GRIK5: variants seen among roughly 807,000 people sequenced by gnomAD.
The protein encoded by GRIK5 is glutamate ionotropic receptor kainate type subunit 5, also known as glutamate receptor ionotropic, kainate 5.
A neutral mutation model predicts 97.4 loss-of-function variants in GRIK5; 43 were observed. That is an observed-to-expected ratio of 0.44 (90% confidence interval 0.35 to 0.57). GRIK5 has a LOEUF of 0.57. GRIK5 is among the 20% of genes least tolerant of loss of function. The pLI is 0.01. For missense variants in GRIK5, 1,015 were observed against 1,382.0 expected, an observed-to-expected ratio of 0.73 and a Z score of 4.21; for synonymous variants, 580 against 583.5, an observed-to-expected ratio of 0.99 and a Z score of 0.09.
In GRIK5 at chr19:42,065,456, C is replaced by T; in HGVS notation, c.80-69G>A. ...GGAAGGAGGGGGCTGTGGTCTTAGA[C>T]TCCAGGGCTCTAGGGTGAGGTGGGT... is the stretch of plus-strand genomic sequence containing the variant. On this transcript the variant is annotated intron_variant, in intron 2 of 19. Transcript: ENST00000593562. The surrounding 1 kb of genome is among the most constrained non-coding windows in gnomAD (Gnocchi z 5.8). 2 of 1,470,978 alleles carry T rather than the reference C, an allele frequency of 1.4e-6. No individual in the cohort carries two copies. Among genetic ancestry groups the T allele is most frequent in the South Asian group, 2.5e-5 (2 of 78,720 alleles). The allele number at this position is 1,470,978 out of a possible 1,614,324, so 91.1% of individuals were successfully genotyped here. A position where few individuals can be genotyped will look rare whatever the true frequency, so the allele number is the denominator to read the frequency against.
rs752416679 is a variant in GRIK5 at position 42,042,477 on chromosome 19, G to C, written c.1473+75C>G. ...ACCAGCCAGGCTGCTTCTGAGGTTC[G>C]ACTGGCTGCCCAGCTGCCCGCCCTC... On this transcript the variant is annotated intron_variant, in intron 12 of 19. Transcript: ENST00000593562. The surrounding 1 kb of genome is among the most constrained non-coding windows in gnomAD (Gnocchi z 6.9). 1.5e-6 allele frequency: 2 copies of C among 1,356,486 alleles called. No individual in the cohort carries two copies. Among genetic ancestry groups the C allele is most frequent in the Non-Finnish European group, 2.0e-6 (2 of 979,888 alleles). The allele number at this position is 1,356,486 out of a possible 1,614,324, so 84.0% of individuals were successfully genotyped here. A position where few individuals can be genotyped will look rare whatever the true frequency, so the allele number is the denominator to read the frequency against.
Position 42,002,175 on chromosome 19 carries a change from AGACTG to A in GRIK5, c.2514+1152_2514+1156del. 1.4e-6 allele frequency: 1 copy of A among 717,560 alleles called. No individual in the cohort carries two copies. 44.4% of individuals were successfully genotyped at this position (717,560 alleles called of 1,614,324 possible). A position where few individuals can be genotyped will look rare whatever the true frequency, so the allele number is the denominator to read the frequency against. On this transcript the variant is annotated intron_variant, in intron 19 of 19. Transcript: ENST00000593562. The surrounding 1 kb of genome is among the most constrained non-coding windows in gnomAD (Gnocchi z 5.2). ...CAGTGGAGTGGCAGGGACCGATGCC[AGACTG>A]GAGTGGGGGGCAAGAGGAAATGGGA...
intron 12 of GRIK5, among the ~76,000 whole-genome samples, chr19:42,023,373 T>C (rs1025934151): frequency 1.3e-5 from 2 of 152,108 alleles, no homozygotes; most frequent in African/African-American, 2.4e-5. Flanking sequence ...CATAGGGAGC[T>C]TCCATCCCCT....
chr19:42,043,233 T>C (rs941673631), intron 11 of GRIK5, among the ~76,000 whole-genome samples: 9 of 152,110 alleles, frequency 5.9e-5, no homozygotes, highest in African/African-American at 9.7e-5. Flanking sequence ...GGCAATACAC[T>C]GATATTTTCT....
rs2075709104 is a variant in GRIK5 at position 42,022,252 on chromosome 19, G to C, written c.1576C>G (p.Arg526Gly). The C allele has an allele frequency of 6.2e-7, 1 of 1,610,454 alleles. No homozygotes were observed. ...FMTLGISILY[R>G]VHMGRKPGYF... ...CAGGGGAACCATACCATGTGCACTC[G>C]GTAGAGGATGCTGATCCCCAGGGTC... Residue 526 changes from arginine (R) to glycine (G), a missense_variant, in exon 13 of 20, where the codon CGA (arginine) becomes GGA (glycine). Physicochemically the swap from Arg to Gly is moderately radical, Grantham distance 125. This residue lies in a region of GRIK5 where 477 missense variants were observed against 701.1 expected (regional missense o/e 0.68). Transcript: ENST00000593562. The surrounding 1 kb of genome is among the most constrained non-coding windows in gnomAD (Gnocchi z 4.2).
intron 11 of GRIK5, among the ~76,000 whole-genome samples, chr19:42,051,465 C>T (rs566515142): frequency 2.8e-4 from 42 of 152,276 alleles, no homozygotes; most frequent in African/African-American, 8.7e-4. Flanking sequence ...CCCCTTCCTG[C>T]TCAACACTCT....
At chr19:42,061,352 CT>C (rs1316051751) in intron 5 of GRIK5, among the ~76,000 whole-genome samples, 2 of 151,788 alleles carry the variant, frequency 1.3e-5, no homozygotes, top group South Asian at 2.1e-4. Context: ...CCATAAATAC[CT>C]TTTTTTTAAG....
chr19:42,006,820 G>T lies in GRIK5; in HGVS notation c.1872-10C>A, dbSNP rs782534044. 1.3e-6 allele frequency: 2 copies of T among 1,585,540 alleles called. No individual in the cohort carries two copies. The highest frequency in any genetic ancestry group is 2.2e-5 in the East Asian group (1 of 44,464). On this transcript the variant is annotated splice_polypyrimidine_tract_variant and intron_variant, in intron 15 of 19. Coordinates refer to ENST00000593562, the MANE Select transcript of GRIK5 (RefSeq NM_002088.5). The surrounding 1 kb of genome is among the most constrained non-coding windows in gnomAD (Gnocchi z 5.3). ...CAAGGTGAAGGCCCACCTGAAGGGT[G>T]GGAGGGGTGAGTCACGGGCTGGAGT...
rs2076312132 is a variant in GRIK5 at position 42,065,123 on chromosome 19, T to C, written c.244+100A>G. Reference sequence around the variant, plus strand: ...ACACAAAGAAGGGGGAGGATGGAGCTAGAAGAGGACAAGGCCAGGCCAGAG... The same window carrying C: ...ACACAAAGAAGGGGGAGGATGGAGCCAGAAGAGGACAAGGCCAGGCCAGAG... On this transcript the variant is annotated intron_variant, in intron 3 of 19. Coordinates refer to ENST00000593562, the MANE Select transcript of GRIK5 (RefSeq NM_002088.5). The surrounding 1 kb of genome is among the most constrained non-coding windows in gnomAD (Gnocchi z 5.8). 3 of 1,007,076 alleles carry C rather than the reference T, an allele frequency of 3.0e-6. No homozygotes were observed. Among genetic ancestry groups the C allele is most frequent in the Non-Finnish European group, 2.9e-6 (2 of 681,486 alleles). The allele number at this position is 1,007,076 out of a possible 1,614,324, so 62.4% of individuals were successfully genotyped here.
At chr19:42,023,563 G>C (rs2075729773) in intron 12 of GRIK5, among the ~76,000 whole-genome samples, 1 of 152,174 alleles carries the variant, frequency 6.6e-6, no homozygotes, top group African/African-American at 2.4e-5. Context: ...GTGGGCTCCA[G>C]TCCTGGGGCC....
intron 8 of GRIK5, 117 bp downstream of exon 8, chr19:42,056,545 C>T (rs939652033): frequency 1.8e-5 from 15 of 812,620 alleles, no homozygotes; most frequent in African/African-American, 8.5e-5. Context: ...GGCCACACCA[C>T]GAGGCCTCAG....
intron 11 of GRIK5, among the ~76,000 whole-genome samples, chr19:42,047,992 A>AG (rs74715794): frequency 6.6e-6 from 1 of 150,892 alleles, no homozygotes. Context: ...AAAAAAAAAA[A>AG]GAAAAAAATG....
intron 11 of GRIK5, chr19:42,043,014 T>C: frequency 3.7e-6 from 2 of 544,600 alleles, no homozygotes; most frequent in Non-Finnish European, 6.5e-6. Context: ...CTGATGCTCA[T>C]TGGTGCCAAG....
chr19:42,037,921 C>T (rs1212854593), intron 12 of GRIK5, among the ~76,000 whole-genome samples: 1 of 152,226 alleles, frequency 6.6e-6, no homozygotes, highest in African/African-American at 2.4e-5. Flanking sequence ...AGCTCAACTC[C>T]TCTGCCCAAG....
chr19:42,001,742 C>T (rs185261421), intron 19 of GRIK5: 6 of 211,482 alleles, frequency 2.8e-5, no homozygotes, highest in South Asian at 2.8e-4. Flanking sequence ...TAAGCTGCTC[C>T]GAGGCTCTGG....
In GRIK5 at chr19:42,062,618, G is replaced by C. The variant is rs199808711; in HGVS notation, c.378C>G (p.Pro126=). ...PHIKVGPEET[P]RLQYLRFASV... is the part of the protein sequence containing the mutation. Reference sequence around the variant, plus strand: ...ACGCGAAGCGAAGGTACTGAAGGCGGGGTGTCTCCTCGGGACCCACCTTGA... The same window carrying C: ...ACGCGAAGCGAAGGTACTGAAGGCGCGGTGTCTCCTCGGGACCCACCTTGA... The change falls in exon 5 of 20, where the codon CCC becomes CCG. Residue 126 remains proline, a synonymous_variant. Transcript: ENST00000593562. The surrounding 1 kb of genome is among the most constrained non-coding windows in gnomAD (Gnocchi z 5.3). 3.7e-6 allele frequency: 6 copies of C among 1,614,146 alleles called. No individual in the cohort carries two copies. In the East Asian group the frequency reaches 1.3e-4, roughly 36 times the overall value.
intron 1 of GRIK5, 117 bp downstream of exon 1, chr19:42,069,124 A>T: frequency 2.4e-6 from 1 of 421,488 alleles, no homozygotes. Flanking sequence ...CTAGTGGGGG[A>T]GGGTACTTGC....
At position 42,021,331 on chromosome 19, in the gene GRIK5, G is replaced by A. The variant is rs756032803; in HGVS notation, c.1841C>T (p.Ala614Val). 6.2e-7 allele frequency: 1 copy of A among 1,613,296 alleles called. No individual in the cohort carries two copies. The highest frequency in any genetic ancestry group is 8.5e-7 in the Non-Finnish European group (1 of 1,179,902). The change falls in exon 15 of 20, where the codon GCG becomes GTG. Residue 614 changes from alanine to valine, a missense_variant. Around this residue, in one of 5 missense-constraint regions of GRIK5, gnomAD observed 477 missense variants for 701.1 expected, o/e 0.68. Coordinates refer to ENST00000593562, the MANE Select transcript of GRIK5 (RefSeq NM_002088.5). The surrounding 1 kb of genome is among the most constrained non-coding windows in gnomAD (Gnocchi z 4.2). The part of the protein sequence containing the change: ...MQQGSEIMPR[A>V]LSTRCVSGVW... ...TCCGCTGACACAGCGCGTGGACAGCGCCCGGGGCATGATCTCCGAGCCCTG... is the reference window on the plus strand; with the variant it reads ...TCCGCTGACACAGCGCGTGGACAGCACCCGGGGCATGATCTCCGAGCCCTG...
rs879171577 is a variant in GRIK5, at chr19:42,065,640, A to C, written c.79+52T>G. The C allele has an allele frequency of 7.1e-7, 1 of 1,405,786 alleles. No homozygotes were observed. The highest frequency in any genetic ancestry group is 9.7e-7 in the Non-Finnish European group (1 of 1,032,140). The allele number at this position is 1,405,786 out of a possible 1,614,324, so 87.1% of individuals were successfully genotyped here. ...GACGGACTGGCATGCCTGGGTCCCC[A>C]GAGGAGCCCCAGGGCCTGAGGATGC... is the stretch of plus-strand genomic sequence containing the variant. On this transcript the variant is annotated intron_variant, in intron 2 of 19. Coordinates refer to ENST00000593562, the MANE Select transcript of GRIK5 (RefSeq NM_002088.5). This position sits in a 1 kb window ranked among gnomAD's most constrained non-coding sequence, Gnocchi z 5.8.
Sources: allele counts gnomAD v4.1 joint callset (sites outside exome capture counted in the v4.1 genomes callset), GRCh38; gene constraint gnomAD v4.1.1; regional missense constraint gnomAD v4.1.1; non-coding constraint Gnocchi (gnomAD v3.1); transcripts MANE v1.5; gene names NCBI Gene and HGNC (gene_info 2026-07-23, HGNC 2026-07-21).